The following TAC4 variants were observed in gnomAD, a reference collection of about 807,000 sequenced individuals.
TAC4 encodes the protein tachykinin-4.
In TAC4, 17 loss-of-function variants were observed where a neutral mutation model predicts 17.7. The ratio of observed to expected loss-of-function variants is 0.96; its 90% CI spans 0.66 to 1.44. TAC4 has a LOEUF of 1.44. Among genes scored for constraint, TAC4 ranks in the 40% most tolerant of loss-of-function variants. TAC4 has a pLI of 0.00. For synonymous variants in TAC4, 62 were observed against 52.4 expected (o/e 1.18, Z -0.79); for missense variants, 118 against 125.6 (o/e 0.94, Z 0.29).
At position 49,846,362 on chromosome 17, in the gene TAC4, A is replaced by G; in HGVS notation, c.105+1551T>C. 3 of 593,488 alleles carry G rather than the reference A, an allele frequency of 5.1e-6. No individual in the cohort carries two copies. The South Asian group carries it at 5.4e-5, about 11-fold the overall frequency. The allele number at this position is 593,488 out of a possible 1,614,324, so 36.8% of individuals were successfully genotyped here. A position where few individuals can be genotyped will look rare whatever the true frequency, so the allele number is the denominator to read the frequency against. ...CACAAGCACGACTCACTGCAGCCTC[A>G]ACTTCCTGGGTCCCAGTGATCCTCC... is the stretch of plus-strand genomic sequence containing the variant. On this transcript the variant is annotated intron_variant, in intron 1 of 4. Transcript: ENST00000436235.
chr17:49,842,736 C>G (rs2074508148), intron 2 of TAC4, among the ~76,000 whole-genome samples: 3 of 152,144 alleles, frequency 2.0e-5, no homozygotes. Flanking sequence ...CCTTTCTCCC[C>G]CCTCATCTCC....
At chr17:49,839,943 A>G (rs1008366082) in intron 3 of TAC4, 34 bp from the exon 4 acceptor site, 1 of 1,606,496 alleles carries the variant, frequency 6.2e-7, no homozygotes, top group Non-Finnish European at 8.5e-7. Context: ...TAGAGGAGAG[A>G]GGCAGCAGAG....
intron 3 of TAC4, among the ~76,000 whole-genome samples, chr17:49,841,098 C>G (rs1369121756): frequency 1.3e-5 from 2 of 151,658 alleles, no homozygotes; most frequent in African/African-American, 4.8e-5. Flanking sequence ...GTTGGCCAGG[C>G]TGGTCTCGAA....
At chr17:49,844,524 G>A (rs576710280) in intron 1 of TAC4, among the ~76,000 whole-genome samples, 4 of 152,164 alleles carry the variant, frequency 2.6e-5, no homozygotes, top group Admixed American at 1.3e-4. Context: ...CTGGGAGGCC[G>A]AGATGGGTGG....
intron 2 of TAC4, 128 bp from the exon 3 acceptor site, chr17:49,841,712 C>G (rs1269955696): frequency 2.2e-6 from 2 of 905,590 alleles, no homozygotes; most frequent in Admixed American, 7.5e-5. Flanking sequence ...TCTAGTCATC[C>G]CCAGTTATCC....
chr17:49,839,793 A>G, intron 4 of TAC4, 57 bp downstream of exon 4: 1 of 1,535,846 alleles, frequency 6.5e-7, no homozygotes, highest in Non-Finnish European at 8.9e-7. Context: ...GACTGGCAGC[A>G]AAGTGTCTGG....
chr17:49,847,886 C>T, intron 1 of TAC4, 27 bp downstream of exon 1: 3 of 1,613,914 alleles, frequency 1.9e-6, no homozygotes, highest in Non-Finnish European at 2.5e-6. Context: ...AGCCTCTCCC[C>T]AAAAGTACCT....
intron 2 of TAC4, among the ~76,000 whole-genome samples, chr17:49,842,641 AT>A (rs915266326): frequency 1.7e-4 from 25 of 149,680 alleles, no homozygotes; most frequent in African/African-American, 4.6e-4. Context: ...TTATATGTGT[AT>A]TTTTTTTTTA....
intron 2 of TAC4, 70 bp downstream of exon 2, chr17:49,843,994 G>T (rs2074517058): frequency 2.1e-6 from 3 of 1,433,102 alleles, no homozygotes; most frequent in Non-Finnish European, 3.0e-6. Context: ...TTGACTTAGG[G>T]CCTCTGCTTT....
intron 1 of TAC4, chr17:49,847,340 G>GT: frequency 9.1e-7 from 1 of 1,100,282 alleles, no homozygotes; most frequent in South Asian, 1.5e-5. Flanking sequence ...TCAGGCAGGA[G>GT]TGGGGGTAGT....
Position 49,841,549 on chromosome 17 carries a change from T to C in TAC4, c.232+3A>G. On this transcript the variant is annotated splice_donor_region_variant and intron_variant, in intron 3 of 4. Coordinates refer to ENST00000436235, the MANE Select transcript of TAC4 (RefSeq NM_001077506.2). ...GTTGAAGGCAGGTTTGGGCAATACT[T>C]ACCTTTTTTTCTCCTTGGCTGGATC... 6.3e-7 allele frequency: 1 copy of C among 1,582,920 alleles called. No homozygotes were observed. The highest frequency in any genetic ancestry group is 8.6e-7 in the Non-Finnish European group (1 of 1,165,414).
chr17:49,844,036 G>T, intron 2 of TAC4, 28 bp downstream of exon 2: 2 of 1,606,556 alleles, frequency 1.2e-6, no homozygotes, highest in African/African-American at 2.7e-5. Context: ...ACCCCTGCTT[G>T]CTGGGCTCCA....
At position 49,838,672 on chromosome 17, in the gene TAC4, G is replaced by T; in HGVS notation, c.294C>A (p.Gly98=). The part of the protein sequence containing the change: ...LLGKRSLFTE[G]REDEAQGSE ...CTGAACCTTGGGCCTCATCCTCTCTGCCTGGGGAGAGTTTGGTATATGAAC... is the reference window on the plus strand; with the variant it reads ...CTGAACCTTGGGCCTCATCCTCTCTTCCTGGGGAGAGTTTGGTATATGAAC... The change falls in exon 5 of 5, where the codon GGC becomes GGA. Residue 98 remains glycine (G), a splice_region_variant and synonymous_variant. Coordinates refer to ENST00000436235, the MANE Select transcript of TAC4 (RefSeq NM_001077506.2). The T allele has an allele frequency of 2.5e-6, 4 of 1,613,268 alleles. No individual in the cohort carries two copies. Among genetic ancestry groups the T allele is most frequent in the Non-Finnish European group, 3.4e-6 (4 of 1,179,654 alleles).
In TAC4 at chr17:49,841,193, A is replaced by C. The variant is rs531207007; in HGVS notation, c.232+359T>G. ...GAGCCACTGCCTGGTCCAGATTTGC[A>C]CTTTTAAGATCATCTGGTGATCTTT... is the stretch of plus-strand genomic sequence containing the variant. On this transcript the variant is annotated intron_variant, in intron 3 of 4. Transcript: ENST00000436235. Among the ~76,000 whole-genome samples, 4 of 148,334 alleles carry C rather than the reference A, an allele frequency of 2.7e-5. No individual in the cohort carries two copies. In the South Asian group the frequency reaches 8.6e-4, roughly 32 times the overall value.
intron 1 of TAC4, chr17:49,846,278 ATTTT>A (rs11297059): frequency 1.1e-3 from 1,125 of 1,008,262 alleles, no homozygotes; most frequent in East Asian, 2.4e-3. Flanking sequence ...CTGTTACCTC[ATTTT>A]TTTTTTTTTT....
chr17:49,847,225 A>G, intron 1 of TAC4: 1 of 1,290,090 alleles, frequency 7.8e-7, no homozygotes, highest in Non-Finnish European at 1.0e-6. Context: ...TTCCCTGAGC[A>G]CTGGCCTCTT....
intron 2 of TAC4, 106 bp from the exon 3 acceptor site, chr17:49,841,690 C>T (rs1280730275): frequency 1.6e-5 from 19 of 1,170,876 alleles, no homozygotes; most frequent in Middle Eastern, 2.1e-4. Context: ...ATTGGTGGGT[C>T]TTCAGTAGAA....
chr17:49,847,670 T>TACACACACAC lies in TAC4; in HGVS notation c.105+233_105+242dup. 9.4e-6 allele frequency: 4 copies of TACACACACAC among 425,770 alleles called. No individual in the cohort carries two copies. In the South Asian group the frequency reaches 1.0e-4, roughly 11 times the overall value. 26.4% of individuals were successfully genotyped at this position (425,770 alleles called of 1,614,324 possible). On this transcript the variant is annotated intron_variant, in intron 1 of 4. Transcript: ENST00000436235. ...TACCGTGTGTTAAATAAGTATTTCT[T>TACACACACAC]ACACACACACACACACACACAGACA...
rs368985874 is a variant in TAC4, at chr17:49,843,780, G to C, written c.199+284C>G. On this transcript the variant is annotated intron_variant, in intron 2 of 4. Coordinates refer to ENST00000436235, the MANE Select transcript of TAC4 (RefSeq NM_001077506.2). ...GTCTAATTTTTGTATTTTTAATAGA[G>C]ATGGGGTTTCACCATGTTGGTCAGG... Among the ~76,000 whole-genome samples the C allele has an allele frequency of 5.3e-5, 8 of 152,104 alleles. No homozygotes were observed. In the East Asian group the frequency reaches 1.4e-3, roughly 26 times the overall value.
Sources: gnomAD v4.1 joint callset for allele counts (sites outside exome capture counted in the v4.1 genomes callset) on GRCh38, gnomAD v4.1.1 for gene constraint, MANE v1.5 for transcripts, NCBI Gene and HGNC (gene_info 2026-07-23, HGNC 2026-07-21) for gene names.